Variants in PTPRN2 observed in about 807,000 individuals in gnomAD.
The protein encoded by PTPRN2 is receptor-type tyrosine-protein phosphatase N2.
PTPRN2 carries 74 observed loss-of-function variants against 118.8 expected under a neutral mutation model. The ratio of observed to expected loss-of-function variants is 0.62; its 90% CI spans 0.52 to 0.76. PTPRN2 has a LOEUF of 0.76. PTPRN2 is among the 30% of genes least tolerant of loss of function. The pLI, the probability that PTPRN2 is intolerant of heterozygous loss-of-function variation, is 0.00. For synonymous variants in PTPRN2, 641 were observed against 608.0 expected (o/e 1.05, Z -0.80); for missense variants, 1,481 against 1,394.4 (o/e 1.06, Z -0.99).
chr7:158,291,791 T>C (rs2151022835), intron 3 of PTPRN2, among the ~76,000 whole-genome samples: 1 of 152,320 alleles, frequency 6.6e-6, no homozygotes, highest in Non-Finnish European at 1.5e-5. Flanking sequence ...TGCCATTTAC[T>C]CTTAGAGCCA....
At chr7:157,675,646 G>GA (rs771681595) in intron 13 of PTPRN2, among the ~76,000 whole-genome samples, 9 of 152,206 alleles carry the variant, frequency 5.9e-5, no homozygotes, top group Non-Finnish European at 1.0e-4. Context: ...GGGTACCCTG[G>GA]AAACGGGAGG....
chr7:158,150,058 A>C (rs112202648), intron 6 of PTPRN2, among the ~76,000 whole-genome samples: 5 of 152,212 alleles, frequency 3.3e-5, no homozygotes, highest in Admixed American at 1.3e-4. Flanking sequence ...AATGATAAGA[A>C]AACAGAGTCA....
intron 2 of PTPRN2, among the ~76,000 whole-genome samples, chr7:158,340,693 T>A (rs1327816654): frequency 2.3e-5 from 2 of 85,470 alleles, no homozygotes; most frequent in African/African-American, 4.4e-5. Context: ...CCATAAGAGG[T>A]GAAACCTGCA....
chr7:157,832,104 C>T (rs981746819), intron 12 of PTPRN2, among the ~76,000 whole-genome samples: 5 of 152,118 alleles, frequency 3.3e-5, no homozygotes, highest in Admixed American at 1.3e-4. Flanking sequence ...CCCGGAAGCT[C>T]GGAGGACATG....
intron 1 of PTPRN2, among the ~76,000 whole-genome samples, chr7:158,584,369 C>A (rs1828806034): frequency 6.6e-6 from 1 of 152,116 alleles, no homozygotes. Context: ...GAGACCTGCA[C>A]AAAGGATGCC....
chr7:158,272,037 A>G (rs7796032), intron 3 of PTPRN2, among the ~76,000 whole-genome samples: 42,904 of 152,176 alleles, frequency 0.28, 6,497 homozygotes, highest in African/African-American at 0.4. Context: ...AAGCTGCACC[A>G]TCAAAAGACG....
At chr7:158,330,726 G>C (rs373542058) in intron 2 of PTPRN2, among the ~76,000 whole-genome samples, 30 of 44,978 alleles carry the variant, frequency 6.7e-4, no homozygotes, top group East Asian at 7.3e-4. Context: ...GAGCCGACAC[G>C]TGCAGACGTC....
intron 12 of PTPRN2, among the ~76,000 whole-genome samples, chr7:157,891,345 A>G (rs1488644711): frequency 1.3e-5 from 2 of 151,920 alleles, no homozygotes; most frequent in Non-Finnish European, 2.9e-5. Context: ...TTTCGAACAC[A>G]TCCGTCACCC....
Position 157,874,576 on chromosome 7 carries a change from G to A in PTPRN2, c.1788+24097C>T, listed in dbSNP as rs1216634679. Among the ~76,000 whole-genome samples, 1 of 152,174 alleles carries A rather than the reference G, an allele frequency of 6.6e-6. No homozygotes were observed. The highest frequency in any genetic ancestry group is 1.5e-5 in the Non-Finnish European group (1 of 68,032). On this transcript the variant is annotated intron_variant, in intron 12 of 22. Coordinates refer to ENST00000389418, the MANE Select transcript of PTPRN2 (RefSeq NM_002847.5). This position sits in a 1 kb window ranked among gnomAD's most constrained non-coding sequence, Gnocchi z 5.8. Reference sequence around the variant, plus strand: ...CCTGCACGGCCTCTCGTGAGTAGGGGGATTTCCTACTCGCTCCACAGACAG... The same window carrying A: ...CCTGCACGGCCTCTCGTGAGTAGGGAGATTTCCTACTCGCTCCACAGACAG...
intron 12 of PTPRN2, among the ~76,000 whole-genome samples, chr7:157,793,020 A>C (rs550284422): frequency 2.9e-4 from 44 of 152,218 alleles, no homozygotes; most frequent in Middle Eastern, 3.4e-3. Flanking sequence ...AAATGAGATA[A>C]ATTTTCTATC....
chr7:157,649,050 C>T (rs1274481806), intron 14 of PTPRN2, among the ~76,000 whole-genome samples: 5 of 124,322 alleles, frequency 4.0e-5, no homozygotes, highest in Non-Finnish European at 5.0e-5. Flanking sequence ...TTGGACCCAT[C>T]CAGCGTGCAC....
intron 11 of PTPRN2, among the ~76,000 whole-genome samples, chr7:157,913,641 GATA>G (rs1798217368): frequency 6.6e-6 from 1 of 152,168 alleles, no homozygotes; most frequent in African/African-American, 2.4e-5. Context: ...TATCTATTGA[GATA>G]ATAATTTTTT....
chr7:158,265,799 G>A (rs1797832780), intron 3 of PTPRN2, among the ~76,000 whole-genome samples: 1 of 152,212 alleles, frequency 6.6e-6, no homozygotes, highest in South Asian at 2.1e-4. Context: ...GTGGCCAGAG[G>A]CCGCCTGGCT....
At chr7:157,989,451 A>G (rs1005544152) in intron 11 of PTPRN2, among the ~76,000 whole-genome samples, 3 of 152,094 alleles carry the variant, frequency 2.0e-5, no homozygotes, top group Non-Finnish European at 2.9e-5. Context: ...AAAAGAAAAG[A>G]AAGAAAGACA....
intron 2 of PTPRN2, among the ~76,000 whole-genome samples, chr7:158,461,218 G>A (rs546031248): frequency 9.9e-5 from 15 of 152,224 alleles, no homozygotes; most frequent in Admixed American, 2.0e-4. Flanking sequence ...CATAAAGGCC[G>A]GGCGCGGTGG....
At chr7:158,503,837 C>T (rs1048079712) in intron 1 of PTPRN2, among the ~76,000 whole-genome samples, 1 of 152,026 alleles carries the variant, frequency 6.6e-6, no homozygotes, top group Non-Finnish European at 1.5e-5. Flanking sequence ...CCTGTCTCTA[C>T]TAAAAATACA....
Position 157,898,676 on chromosome 7 carries a change from C to T in PTPRN2, c.1785G>A (p.Gly595=). 2 of 1,595,880 alleles carry T rather than the reference C, an allele frequency of 1.3e-6. No individual in the cohort carries two copies. Among genetic ancestry groups the T allele is most frequent in the Non-Finnish European group, 1.7e-6 (2 of 1,163,276 alleles). Residue 595 remains glycine (G), a synonymous_variant, in exon 12 of 23, where the codon GGG becomes GGA. Coordinates refer to ENST00000389418, the MANE Select transcript of PTPRN2 (RefSeq NM_002847.5). The stretch of plus-strand genomic sequence containing the variant: ...CGGCACCCCTTCTGTTACTCACCGA[C>T]CCGACTCCGGTTTGAAGAATTTTCA... ...SGLKILQTGV[G]SKSKLKFLPP...
intron 9 of PTPRN2, among the ~76,000 whole-genome samples, chr7:158,117,769 T>A (rs1443347197): frequency 7.0e-6 from 1 of 142,956 alleles, no homozygotes; most frequent in African/African-American, 2.6e-5. Context: ...ATATTCCAAG[T>A]GCTACAGGAA....
intron 11 of PTPRN2, among the ~76,000 whole-genome samples, chr7:157,998,943 G>A (rs1805001836): frequency 6.6e-6 from 1 of 151,768 alleles, no homozygotes; most frequent in Non-Finnish European, 1.5e-5. Context: ...AGTCATCTTT[G>A]TGCGGGGTGC....
Sources: gnomAD v4.1 joint callset for allele counts (sites outside exome capture counted in the v4.1 genomes callset) on GRCh38, gnomAD v4.1.1 for gene constraint, Gnocchi (gnomAD v3.1) non-coding constraint, MANE v1.5 for transcripts, NCBI Gene and HGNC (gene_info 2026-07-23, HGNC 2026-07-21) for gene names.